Variants in MMS19 observed in about 807,000 individuals in gnomAD.
MMS19 encodes the protein MMS19 cytosolic iron-sulfur assembly component, also known as MMS19 nucleotide excision repair protein homolog.
A neutral mutation model predicts 129.8 loss-of-function variants in MMS19; 77 were observed. That is an observed-to-expected ratio of 0.59 (90% CI 0.49 to 0.72). The LOEUF is 0.72. MMS19 is among the 30% of genes least tolerant of loss of function. MMS19 has a pLI of 0.00. For missense variants in MMS19, 1,168 were observed against 1,266.3 expected (o/e 0.92, Z 1.18); for synonymous variants, 491 against 502.8 (o/e 0.98, Z 0.31).
At position 97,477,901 on chromosome 10, in the gene MMS19, AGCCCTGGGGGCAGGGCCACACACAG is replaced by A. The variant is rs1211532768; in HGVS notation, c.352_376del (p.Leu118TrpfsTer41). 6.2e-7 allele frequency: 1 copy of A among 1,608,740 alleles called. No individual in the cohort carries two copies. The highest frequency in any genetic ancestry group is 1.3e-5 in the African/African-American group (1 of 74,776). On this transcript the variant is annotated frameshift_variant, in exon 5 of 31. Coordinates refer to ENST00000438925, the MANE Select transcript of MMS19 (RefSeq NM_022362.5). LOFTEE classifies it high-confidence loss of function. ...GATGGCTTTAAGCACAGAAACAGCC[AGCCCTGGGGGCAGGGCCACACACAG>A]GCTCTGGGGGAGAGGAGAAGGTACG...
chr10:97,487,890 G>C (rs1408353702), intron 1 of MMS19, among the ~76,000 whole-genome samples: 1 of 152,138 alleles, frequency 6.6e-6, no homozygotes, highest in Non-Finnish European at 1.5e-5. Flanking sequence ...GCCAAGGCAG[G>C]TAGATTGCTT....
intron 10 of MMS19, 35 bp downstream of exon 10, chr10:97,470,094 G>T: frequency 6.9e-7 from 1 of 1,447,614 alleles, no homozygotes; most frequent in East Asian, 2.3e-5. Flanking sequence ...CTTGTCAAAA[G>T]GTAGCTGGGT....
At chr10:97,460,815 A>C in intron 24 of MMS19, 64 bp from the exon 25 acceptor site, 1 of 1,544,626 alleles carries the variant, frequency 6.5e-7, no homozygotes, top group Non-Finnish European at 8.8e-7. Context: ...CCTGAGACAT[A>C]GATGTTTATG....
chr10:97,468,145 AC>A, intron 13 of MMS19, 106 bp downstream of exon 13: 1 of 1,160,472 alleles, frequency 8.6e-7, no homozygotes. Context: ...TGGGAGCAAA[AC>A]CCAAGGTCTA....
chr10:97,474,627 A>C (rs1159822142), intron 8 of MMS19, among the ~76,000 whole-genome samples: 1 of 152,220 alleles, frequency 6.6e-6, no homozygotes, highest in Non-Finnish European at 1.5e-5. Context: ...TTGTAACTCA[A>C]ATAGTTACAC....
rs549124183 is a variant in MMS19 at position 97,487,342 on chromosome 10, A to G, written c.113-3191T>C. On this transcript the variant is annotated intron_variant, in intron 1 of 30. Coordinates refer to ENST00000438925, the MANE Select transcript of MMS19 (RefSeq NM_022362.5). ...TCTTTTTTTTTTTTTTTTTTGAGACAGAATCTCGCTCTTTCGCCCAGGCCA... is the reference window on the plus strand; with the variant it reads ...TCTTTTTTTTTTTTTTTTTTGAGACGGAATCTCGCTCTTTCGCCCAGGCCA... Among the ~76,000 whole-genome samples the G allele has an allele frequency of 6.7e-4, 97 of 144,724 alleles. 1 individual carries two copies. The East Asian group carries it at 0.018, about 27-fold the overall frequency. 94.9% of individuals were successfully genotyped at this position (144,724 alleles called of 152,430 possible). A position where few individuals can be genotyped will look rare whatever the true frequency, so the allele number is the denominator to read the frequency against.
At position 97,498,341 on chromosome 10, in the gene MMS19, G is replaced by A. The variant is rs757946532; in HGVS notation, c.44C>T (p.Ala15Val). The A allele has an allele frequency of 1.9e-6, 3 of 1,572,196 alleles. No homozygotes were observed. Among genetic ancestry groups the A allele is most frequent in the African/African-American group, 2.7e-5 (2 of 74,266 alleles). The change falls in exon 1 of 31, where the codon GCC becomes GTC. Residue 15 changes from alanine to valine, a missense_variant. Around this residue, in one of 3 missense-constraint regions of MMS19, gnomAD observed 329 missense variants for 328.6 expected, o/e 1.00. Transcript: ENST00000438925. Reference protein sequence around the residue: ...AAVEAAAPMGALWGLVHDFVV... With the variant: ...AAVEAAAPMGVLWGLVHDFVV... ...GAAGTCGTGCACGAGGCCCCATAGG[G>A]CACCCATAGGCGCCGCCGCCTCCAC...
At chr10:97,479,202 C>T (rs576544635) in intron 3 of MMS19, among the ~76,000 whole-genome samples, 7 of 152,236 alleles carry the variant, frequency 4.6e-5, no homozygotes, top group Admixed American at 3.3e-4. Context: ...GTGTCGGTGT[C>T]GTTTTATCTA....
intron 8 of MMS19, 146 bp downstream of exon 8, chr10:97,476,537 T>C: frequency 1.5e-6 from 1 of 687,296 alleles, no homozygotes. Flanking sequence ...GTCAAATGCT[T>C]TTCCATTTCC....
intron 1 of MMS19, among the ~76,000 whole-genome samples, chr10:97,492,517 T>G (rs2039085217): frequency 1.4e-5 from 2 of 144,316 alleles, no homozygotes; most frequent in African/African-American, 5.1e-5. Flanking sequence ...TAGAGAAAAA[T>G]GAGATAATAA....
Position 97,470,150 on chromosome 10 carries a change from C to T in MMS19, c.825G>A (p.Lys275=), listed in dbSNP as rs754072003. The change falls in exon 10 of 31, where the codon AAG becomes AAA. Residue 275 remains lysine (K), a synonymous_variant. Coordinates refer to ENST00000438925, the MANE Select transcript of MMS19 (RefSeq NM_022362.5). The part of the protein sequence containing the change: ...EKVDSEVLSA[K]LDSLQTLNAC... ...TCACCAGAGTCTGTAGAGAATCCAACTTGGCACTCAGAACCTCAGAATCCA... is the reference window on the plus strand; with the variant it reads ...TCACCAGAGTCTGTAGAGAATCCAATTTGGCACTCAGAACCTCAGAATCCA... The T allele has an allele frequency of 3.1e-6, 5 of 1,609,944 alleles. No individual in the cohort carries two copies. The South Asian group carries it at 5.6e-5, about 18-fold the overall frequency.
chr10:97,474,014 T>C (rs1395006571), intron 8 of MMS19, among the ~76,000 whole-genome samples: 2 of 151,492 alleles, frequency 1.3e-5, no homozygotes, highest in Admixed American at 1.3e-4. Flanking sequence ...AGTAGTGTCA[T>C]GTGCCTATGG....
chr10:97,469,550 T>C, intron 11 of MMS19, 96 bp downstream of exon 11: 8 of 1,002,382 alleles, frequency 8.0e-6, no homozygotes, highest in Non-Finnish European at 1.2e-5. Flanking sequence ...ATCTTGGCCC[T>C]GGGGATGACA....
chr10:97,495,547 C>CT (rs2039633884), intron 1 of MMS19, among the ~76,000 whole-genome samples: 1 of 152,220 alleles, frequency 6.6e-6, no homozygotes, highest in Admixed American at 6.5e-5. Flanking sequence ...CTTCAACACT[C>CT]TGTTATCCTT....
At chr10:97,492,192 C>T (rs912849825) in intron 1 of MMS19, among the ~76,000 whole-genome samples, 3 of 149,056 alleles carry the variant, frequency 2.0e-5, no homozygotes, top group South Asian at 2.1e-4. Context: ...AAAATGAGGC[C>T]GGGCGCGGTG....
At chr10:97,493,853 T>G (rs1167514833) in intron 1 of MMS19, among the ~76,000 whole-genome samples, 1 of 152,056 alleles carries the variant, frequency 6.6e-6, no homozygotes, top group Non-Finnish European at 1.5e-5. Flanking sequence ...CCATCTCTAC[T>G]AAAAATACAA....
intron 25 of MMS19, 67 bp from the exon 26 acceptor site, chr10:97,460,299 G>A: frequency 6.8e-7 from 1 of 1,472,376 alleles, no homozygotes. Flanking sequence ...GATAAGGATG[G>A]GGCCGGGTGT....
intron 4 of MMS19, 91 bp downstream of exon 4, chr10:97,478,213 G>A (rs2036126561): frequency 9.8e-7 from 1 of 1,018,954 alleles, no homozygotes; most frequent in South Asian, 1.4e-5. Context: ...CTGCTCCTCA[G>A]CATGTGAACC....
chr10:97,465,320 A>C (rs754407047), intron 18 of MMS19, among the ~76,000 whole-genome samples: 1 of 150,302 alleles, frequency 6.7e-6, no homozygotes, highest in Non-Finnish European at 1.5e-5. Flanking sequence ...TTTGAGATAG[A>C]GTTTCACTCT....
Sources: allele counts gnomAD v4.1 joint callset (sites outside exome capture counted in the v4.1 genomes callset), GRCh38; gene constraint gnomAD v4.1.1; regional missense constraint gnomAD v4.1.1; transcripts MANE v1.5; gene names NCBI Gene and HGNC (gene_info 2026-07-23, HGNC 2026-07-21).